LCA5: variants seen among roughly 807,000 people sequenced by gnomAD.
LCA5 encodes the protein lebercilin LCA5.
LCA5 carries 37 observed loss-of-function variants against 53.0 expected under a neutral mutation model. The ratio of observed to expected loss-of-function variants is 0.70; its 90% CI spans 0.54 to 0.92. The LOEUF is 0.92. Among genes scored for constraint, LCA5 ranks in the 40% least tolerant of loss-of-function variants. LCA5 has a pLI of 0.00. For missense variants in LCA5, 806 were observed against 790.5 expected (o/e 1.02, Z -0.23); for synonymous variants, 303 against 282.9 (o/e 1.07, Z -0.71).
rs1769772317 is a variant in LCA5 at position 79,489,319 on chromosome 6, A to C, written c.1099-103T>G. Reference sequence around the variant, plus strand: ...AAACATGATTACCAACTAAGTTAAAAATTAATACAAATTTTCAATTAATGA... The same window carrying C: ...AAACATGATTACCAACTAAGTTAAACATTAATACAAATTTTCAATTAATGA... On this transcript the variant is annotated intron_variant, in intron 6 of 7. Coordinates refer to ENST00000369846, the MANE Select transcript of LCA5 (RefSeq NM_001122769.3). 21 of 1,165,700 alleles carry C rather than the reference A, an allele frequency of 1.8e-5. No homozygotes were observed. In the South Asian group the frequency reaches 2.7e-4, roughly 15 times the overall value. The allele number at this position is 1,165,700 out of a possible 1,614,324, so 72.2% of individuals were successfully genotyped here.
Position 79,513,347 on chromosome 6 carries a change from T to C in LCA5, c.585A>G (p.Glu195=), listed in dbSNP as rs1766304946. 1 of 1,613,954 alleles carries C rather than the reference T, an allele frequency of 6.2e-7. No individual in the cohort carries two copies. Among genetic ancestry groups the C allele is most frequent in the Non-Finnish European group, 8.5e-7 (1 of 1,179,886 alleles). ...GTAAGGAAAATTTTGTCCTAAATAG[T>C]TCACTTTCTGTATCTTTTACCCTTT... ...TEKRVKDTES[E]LFRTKFSLQK... Residue 195 remains glutamate, a synonymous_variant, in exon 3 of 8, where the codon GAA becomes GAG. Transcript: ENST00000369846.
At chr6:79,493,923 A>G (rs1173692353) in intron 3 of LCA5, among the ~76,000 whole-genome samples, 173 bp from the exon 4 acceptor site, 1 of 152,188 alleles carries the variant, frequency 6.6e-6, no homozygotes, top group Non-Finnish European at 1.5e-5. Context: ...ACAATTTAGT[A>G]AGGTATCAAG....
Position 79,513,707 on chromosome 6 carries a change from G to A in LCA5, c.225C>T (p.Asn75=), listed in dbSNP as rs1766327495. The A allele has an allele frequency of 1.2e-6, 2 of 1,613,496 alleles. No homozygotes were observed. The highest frequency in any genetic ancestry group is 1.3e-5 in the African/African-American group (1 of 74,820). Residue 75 remains asparagine (N), a synonymous_variant, in exon 3 of 8, where the codon AAC becomes AAT. Transcript: ENST00000369846. ...GAAATCCCACTCGGACTCCCTTTCT[G>A]TTTGGTAGACCCTTAGGGCTTGGTT... ...PRKPSPKGLP[N]RKGVRVGFRS...
Position 79,487,400 on chromosome 6 carries a change from C to T in LCA5, c.1698G>A (p.Arg566=). 1.9e-6 allele frequency: 3 copies of T among 1,613,080 alleles called. No individual in the cohort carries two copies. Among genetic ancestry groups the T allele is most frequent in the Non-Finnish European group, 2.5e-6 (3 of 1,179,642 alleles). The part of the protein sequence containing the change: ...YVPSFAKTSE[R]SNPFSQKSSF... Reference sequence around the variant, plus strand: ...TACTTTTTTGACTAAATGGATTTGACCTCTCTGATGTTTTTGCAAACGAAG... The same window carrying T: ...TACTTTTTTGACTAAATGGATTTGATCTCTCTGATGTTTTTGCAAACGAAG... The change falls in exon 8 of 8, where the codon AGG becomes AGA. Residue 566 remains arginine (R), a synonymous_variant. Coordinates refer to ENST00000369846, the MANE Select transcript of LCA5 (RefSeq NM_001122769.3).
At chr6:79,528,567 T>C (rs1766860965) in intron 1 of LCA5, among the ~76,000 whole-genome samples, 1 of 152,182 alleles carries the variant, frequency 6.6e-6, no homozygotes, top group Admixed American at 6.5e-5. Flanking sequence ...TAACAAATTC[T>C]TTTAATCCCA....
intron 3 of LCA5, among the ~76,000 whole-genome samples, chr6:79,497,324 T>C (rs542357724): frequency 1.3e-5 from 2 of 152,276 alleles, no homozygotes; most frequent in South Asian, 2.1e-4. Flanking sequence ...GTTAGACAAG[T>C]TGAGCAACAC....
At chr6:79,514,790 TG>T (rs1014718818) in intron 2 of LCA5, among the ~76,000 whole-genome samples, 2 of 152,062 alleles carry the variant, frequency 1.3e-5, no homozygotes, top group African/African-American at 4.8e-5. Flanking sequence ...TGATTTCACT[TG>T]TAAGTGGAAG....
In LCA5 at chr6:79,488,740, A is replaced by T. The variant is rs1195367776; in HGVS notation, c.1231+344T>A. 2.4e-5 allele frequency: 10 copies of T among 409,432 alleles called. No homozygotes were observed. The East Asian group carries it at 3.8e-4, about 16-fold the overall frequency. The allele number at this position is 409,432 out of a possible 1,614,324, so 25.4% of individuals were successfully genotyped here. On this transcript the variant is annotated intron_variant, in intron 7 of 7. Coordinates refer to ENST00000369846, the MANE Select transcript of LCA5 (RefSeq NM_001122769.3). ...CACTTTAACTTTGAAACTACTTCCA[A>T]ATGAAAAAATTAAAAATTTTAAAAT...
At chr6:79,521,065 G>A (rs957827678) in intron 1 of LCA5, among the ~76,000 whole-genome samples, 1 of 152,138 alleles carries the variant, frequency 6.6e-6, no homozygotes, top group Admixed American at 6.5e-5. Flanking sequence ...TGTTGCTGGT[G>A]TAACTGAAGA....
chr6:79,493,467 C>A (rs2073331222), intron 4 of LCA5, 146 bp downstream of exon 4: 2 of 778,824 alleles, frequency 2.6e-6, no homozygotes, highest in Middle Eastern at 3.8e-4. Context: ...ACCAACAAAC[C>A]TTTTCTAAGT....
intron 1 of LCA5, among the ~76,000 whole-genome samples, chr6:79,536,244 GA>G (rs1363349124): frequency 1.3e-5 from 2 of 152,094 alleles, no homozygotes; most frequent in African/African-American, 2.4e-5. Context: ...CCATGCAAAA[GA>G]AAGAGGGAAT....
intron 1 of LCA5, among the ~76,000 whole-genome samples, chr6:79,529,995 T>C (rs781294301): frequency 3.6e-4 from 54 of 149,572 alleles, no homozygotes; most frequent in Non-Finnish European, 7.0e-4. Context: ...TTAGGAGATA[T>C]ACCTAATGTA....
chr6:79,510,971 CA>C (rs1770395672), intron 3 of LCA5, among the ~76,000 whole-genome samples: 1 of 149,210 alleles, frequency 6.7e-6, no homozygotes, highest in African/African-American at 2.5e-5. Flanking sequence ...ACTGACGGGA[CA>C]ATAAAAAATG....
chr6:79,524,900 C>T (rs1402299534), intron 1 of LCA5, among the ~76,000 whole-genome samples: 1 of 151,880 alleles, frequency 6.6e-6, no homozygotes, highest in African/African-American at 2.4e-5. Flanking sequence ...GATAATTAAC[C>T]TTTTTTTCAT....
rs552305751 is a variant in LCA5 at position 79,535,443 on chromosome 6, C to T, written c.-192+1722G>A. On this transcript the variant is annotated intron_variant, in intron 1 of 7. Transcript: ENST00000369846. ...GTAGTATAACTAGAGATACAGAGTA[C>T]GGAACTGATTCCAGAAATGTTTTTC... Among the ~76,000 whole-genome samples the T allele has an allele frequency of 2.6e-5, 4 of 152,224 alleles. No individual in the cohort carries two copies. The South Asian group carries it at 8.3e-4, about 32-fold the overall frequency.
intron 3 of LCA5, among the ~76,000 whole-genome samples, chr6:79,511,609 G>A (rs1175255533): frequency 2.0e-5 from 3 of 152,056 alleles, no homozygotes; most frequent in Non-Finnish European, 4.4e-5. Context: ...ACACACACAC[G>A]TAAAACTAGT....
At chr6:79,509,713 T>G (rs1770361118) in intron 3 of LCA5, among the ~76,000 whole-genome samples, 1 of 152,104 alleles carries the variant, frequency 6.6e-6, no homozygotes, top group Admixed American at 6.6e-5. Flanking sequence ...AAATAAAAGT[T>G]CAAAAGTAAT....
intron 3 of LCA5, among the ~76,000 whole-genome samples, chr6:79,506,638 T>C (rs1770279531): frequency 6.6e-6 from 1 of 152,194 alleles, no homozygotes; most frequent in Admixed American, 6.5e-5. Context: ...GAATTACTAA[T>C]GAAGTTTCTA....
rs1769691827 is a variant in LCA5, at chr6:79,487,285, T to C, written c.1813A>G (p.Met605Val). 2 of 1,613,962 alleles carry C rather than the reference T, an allele frequency of 1.2e-6. No homozygotes were observed. The highest frequency in any genetic ancestry group is 3.3e-5 in the Admixed American group (2 of 59,992). Residue 605 changes from methionine (M) to valine (V), a missense_variant, in exon 8 of 8, where the codon ATG becomes GTG. Met to Val is a conservative substitution (Grantham distance 21). Coordinates refer to ENST00000369846, the MANE Select transcript of LCA5 (RefSeq NM_001122769.3). ...CCACTGGCACCAAATAACTGTTCCA[T>C]CAAATTAGCTTTTTTCTCTTTTCTT... ...ITRKEKKANL[M>V]EQLFGASGSS...
Sources: gnomAD v4.1 joint callset for allele counts (sites outside exome capture counted in the v4.1 genomes callset) on GRCh38, gnomAD v4.1.1 for gene constraint, MANE v1.5 for transcripts, NCBI Gene and HGNC (gene_info 2026-07-23, HGNC 2026-07-21) for gene names.